The following INPP4B variants were observed in gnomAD, a reference collection of about 807,000 sequenced individuals.
The protein encoded by INPP4B is inositol polyphosphate-4-phosphatase type II B.
Under a neutral mutation model 122.5 loss-of-function variants are expected in INPP4B, and 55 were observed. The ratio of observed to expected loss-of-function variants is 0.45; its 90% CI spans 0.36 to 0.56. The LOEUF is 0.56. Among genes scored for constraint, INPP4B ranks in the 20% least tolerant of loss-of-function variants. INPP4B has a pLI of 0.00. For synonymous variants in INPP4B, 403 were observed against 388.7 expected, an observed-to-expected ratio of 1.04 and a Z score of -0.43; for missense variants, 1,000 against 1,097.7, an observed-to-expected ratio of 0.91 and a Z score of 1.26.
At chr4:142,113,376 G>A (rs1197223793) in intron 21 of INPP4B, among the ~76,000 whole-genome samples, 2 of 151,942 alleles carry the variant, frequency 1.3e-5, no homozygotes, top group African/African-American at 2.4e-5. Context: ...ATTGAATATA[G>A]AAATTTAGAA....
At chr4:142,677,434 G>A (rs2150666474) in intron 2 of INPP4B, among the ~76,000 whole-genome samples, 1 of 152,084 alleles carries the variant, frequency 6.6e-6, no homozygotes, top group East Asian at 1.9e-4. Flanking sequence ...AGACAGCATG[G>A]TGATTCCTCA....
chr4:142,718,333 G>A (rs913558498), intron 2 of INPP4B, among the ~76,000 whole-genome samples: 1 of 152,196 alleles, frequency 6.6e-6, no homozygotes, highest in African/African-American at 2.4e-5. Context: ...AGTTAAAACA[G>A]TTTGTTTAAA....
At chr4:142,704,672 TC>T (rs1389537795) in intron 2 of INPP4B, among the ~76,000 whole-genome samples, 2 of 152,206 alleles carry the variant, frequency 1.3e-5, no homozygotes, top group Non-Finnish European at 2.9e-5. Context: ...ATATTCTTTT[TC>T]CCTGCATCTT....
At chr4:142,068,202 C>G (rs1019649935) in intron 25 of INPP4B, among the ~76,000 whole-genome samples, 32 of 152,300 alleles carry the variant, frequency 2.1e-4, no homozygotes, top group Non-Finnish European at 3.8e-4. Flanking sequence ...AAAGAATTTT[C>G]AACCCAGAAT....
At chr4:142,671,612 C>T (rs931914012) in intron 2 of INPP4B, among the ~76,000 whole-genome samples, 2 of 152,022 alleles carry the variant, frequency 1.3e-5, no homozygotes, top group African/African-American at 2.4e-5. Flanking sequence ...AGAAGTTGTC[C>T]CACTTACTAT....
At chr4:142,806,304 AGAG>A (rs1282550195) in intron 1 of INPP4B, among the ~76,000 whole-genome samples, 3 of 149,058 alleles carry the variant, frequency 2.0e-5, no homozygotes, top group African/African-American at 7.4e-5. Context: ...AAAAAAAAAA[AGAG>A]GAAAAAAGAA....
At chr4:142,690,701 T>A (rs1307725820) in intron 2 of INPP4B, among the ~76,000 whole-genome samples, 1 of 152,096 alleles carries the variant, frequency 6.6e-6, no homozygotes, top group African/African-American at 2.4e-5. Context: ...CAAGAGAACC[T>A]CCCCTGGCGC....
At chr4:142,669,092 A>T (rs934607926) in intron 2 of INPP4B, among the ~76,000 whole-genome samples, 2 of 152,076 alleles carry the variant, frequency 1.3e-5, no homozygotes, top group Non-Finnish European at 2.9e-5. Context: ...AAATAAAATG[A>T]TCATTAATAA....
intron 2 of INPP4B, among the ~76,000 whole-genome samples, chr4:142,578,914 T>G (rs1228797954): frequency 1.3e-5 from 2 of 152,030 alleles, no homozygotes; most frequent in African/African-American, 4.8e-5. Flanking sequence ...ATTATAGTCC[T>G]CTTAAATTTA....
intron 2 of INPP4B, among the ~76,000 whole-genome samples, chr4:142,614,036 G>A (rs1158748785): frequency 6.6e-6 from 1 of 152,160 alleles, no homozygotes. Flanking sequence ...ATCAAGATAA[G>A]TTCTTAATAG....
At chr4:142,606,520 T>A (rs1741303915) in intron 2 of INPP4B, among the ~76,000 whole-genome samples, 1 of 151,914 alleles carries the variant, frequency 6.6e-6, no homozygotes, top group Non-Finnish European at 1.5e-5. Flanking sequence ...ATGTACCCTA[T>A]ACATGTGTAA....
At chr4:142,491,611 T>C (rs1821885549) in intron 2 of INPP4B, among the ~76,000 whole-genome samples, 1 of 152,166 alleles carries the variant, frequency 6.6e-6, no homozygotes, top group Non-Finnish European at 1.5e-5. Flanking sequence ...GAGCCAAGAT[T>C]GTGCCATTGC....
At chr4:142,209,233 T>C (rs1843827469) in intron 12 of INPP4B, among the ~76,000 whole-genome samples, 1 of 152,178 alleles carries the variant, frequency 6.6e-6, no homozygotes, top group Non-Finnish European at 1.5e-5. Context: ...AAAAACATTA[T>C]GTCAAAGGGC....
chr4:142,835,196 A>T (rs1352683508), intron 1 of INPP4B, among the ~76,000 whole-genome samples: 1 of 152,138 alleles, frequency 6.6e-6, no homozygotes, highest in Non-Finnish European at 1.5e-5. Flanking sequence ...GGAATTGAGG[A>T]GTAGATAAGT....
At chr4:142,256,870 C>T (rs1247685031) in intron 11 of INPP4B, among the ~76,000 whole-genome samples, 2 of 152,242 alleles carry the variant, frequency 1.3e-5, no homozygotes, top group East Asian at 1.9e-4. Context: ...CCAGCATCAT[C>T]CTGATACCAA....
intron 2 of INPP4B, among the ~76,000 whole-genome samples, chr4:142,683,843 T>G (rs1432912256): frequency 6.6e-6 from 1 of 151,886 alleles, no homozygotes; most frequent in Non-Finnish European, 1.5e-5. Flanking sequence ...CCAAAACCAT[T>G]CTGTGCTTGG....
chr4:142,108,858 C>T (rs561571716), intron 22 of INPP4B, among the ~76,000 whole-genome samples: 12 of 152,220 alleles, frequency 7.9e-5, no homozygotes, highest in Admixed American at 2.6e-4. Context: ...ACCCACTTGT[C>T]TCCCTATAAA....
At chr4:142,253,233 G>A (rs1733395221) in intron 11 of INPP4B, among the ~76,000 whole-genome samples, 2 of 152,194 alleles carry the variant, frequency 1.3e-5, no homozygotes, top group Admixed American at 1.3e-4. Flanking sequence ...TGAGTGGTGG[G>A]TGAATGTGAA....
chr4:142,290,469 G>T (rs962670982), intron 9 of INPP4B, among the ~76,000 whole-genome samples: 1 of 151,946 alleles, frequency 6.6e-6, no homozygotes, highest in African/African-American at 2.4e-5. Flanking sequence ...GCCTCCCAAA[G>T]TGCTGGGATT....
Sources: gnomAD v4.1 joint callset for allele counts (sites outside exome capture counted in the v4.1 genomes callset) on GRCh38, gnomAD v4.1.1 for gene constraint, MANE v1.5 for transcripts, NCBI Gene and HGNC (gene_info 2026-07-23, HGNC 2026-07-21) for gene names.